The following UPK1A variants were observed in gnomAD, a reference collection of about 807,000 sequenced individuals.
UPK1A encodes uroplakin-1a.
In UPK1A, 31 loss-of-function variants were observed where a neutral mutation model predicts 32.3. That is an observed-to-expected ratio of 0.96 (90% CI 0.72 to 1.30). UPK1A has a LOEUF of 1.30. Among genes scored for constraint, UPK1A ranks in the 50% most tolerant of loss-of-function variants. UPK1A has a pLI of 0.00. For synonymous variants in UPK1A, 135 were observed against 137.1 expected, an observed-to-expected ratio of 0.98 and a Z score of 0.11; for missense variants, 340 against 357.4, an observed-to-expected ratio of 0.95 and a Z score of 0.39.
intron 3 of UPK1A, 150 bp downstream of exon 3, chr19:35,668,804 A>G (rs1419400071): frequency 1.1e-6 from 1 of 882,844 alleles, no homozygotes; most frequent in East Asian, 2.7e-5. Context: ...CAGTCTTCCC[A>G]CAGCCCAATA....
intron 5 of UPK1A, among the ~76,000 whole-genome samples, chr19:35,675,021 A>G (rs1968159728): frequency 1.3e-5 from 2 of 150,586 alleles, no homozygotes; most frequent in Non-Finnish European, 3.0e-5. Flanking sequence ...CAGCCTGGAC[A>G]ACAGAGGGAG....
chr19:35,675,132 G>T (rs910586026), intron 5 of UPK1A, among the ~76,000 whole-genome samples: 2 of 151,750 alleles, frequency 1.3e-5, no homozygotes, highest in Non-Finnish European at 1.5e-5. Context: ...GCCAGGATTT[G>T]AACCCATGTT....
chr19:35,674,550 T>C (rs1172773276), intron 5 of UPK1A, among the ~76,000 whole-genome samples: 1 of 151,992 alleles, frequency 6.6e-6, no homozygotes, highest in Admixed American at 6.6e-5. Context: ...CAAAGCACTT[T>C]TAAAGCTTTT....
rs373683502 is a variant in UPK1A, at chr19:35,676,171, T to TTTTC, written c.648+176_648+179dup. On this transcript the variant is annotated intron_variant, in intron 6 of 7. Coordinates refer to ENST00000617999, the Ensembl canonical transcript of UPK1A. Reference sequence around the variant, plus strand: ...CCCCTCTCTGATTTTCTTGTTTTCTTTTTCTTTCTTTCTTTCTTTCTTTCT... The same window carrying TTTTC: ...CCCCTCTCTGATTTTCTTGTTTTCTTTTTCTTTCTTTCTTTCTTTCTTTCTTTCT... 7,622 of 882,052 alleles carry TTTTC rather than the reference T, an allele frequency of 8.6e-3. 174 individuals carry two copies. In the East Asian group the frequency reaches 0.099, roughly 11 times the overall value. The allele number at this position is 882,052 out of a possible 1,614,324, so 54.6% of individuals were successfully genotyped here.
rs890217656 is a variant in UPK1A, at chr19:35,666,728, C to T, written c.-4-81C>T. 21 of 1,437,166 alleles carry T rather than the reference C, an allele frequency of 1.5e-5. No homozygotes were observed. In the Admixed American group the frequency reaches 1.6e-4, roughly 11 times the overall value. The allele number at this position is 1,437,166 out of a possible 1,614,324, so 89.0% of individuals were successfully genotyped here. A position where few individuals can be genotyped will look rare whatever the true frequency, so the allele number is the denominator to read the frequency against. ...CCCGCAGAGAGCTGGAGCAACCCCT[C>T]GAAGCCAGGGTGTGGCTCAGAGATG... is the stretch of plus-strand genomic sequence containing the variant. On this transcript the variant is annotated intron_variant, in intron 1 of 7. Coordinates refer to ENST00000617999, the Ensembl canonical transcript of UPK1A.
intron 6 of UPK1A, among the ~76,000 whole-genome samples, chr19:35,677,220 C>G (rs552991244): frequency 3.7e-4 from 55 of 146,906 alleles, no homozygotes; most frequent in African/African-American, 1.4e-3. Flanking sequence ...TTAAAAAAGG[C>G]AAGAGACTTT....
intron 5 of UPK1A, among the ~76,000 whole-genome samples, chr19:35,674,968 G>C (rs1169878855): frequency 2.0e-5 from 3 of 151,518 alleles, no homozygotes; most frequent in Non-Finnish European, 4.4e-5. Context: ...CTTGAACCCA[G>C]GAGGGGGAGG....
intron 3 of UPK1A, among the ~76,000 whole-genome samples, chr19:35,671,624 AT>A (rs553879859): frequency 3.1e-4 from 44 of 141,074 alleles, no homozygotes; most frequent in Non-Finnish European, 3.3e-4. Context: ...CGCCTGGTTA[AT>A]TTTTTTTTTT....
At chr19:35,676,187 CTTTCTTTCTT>C in intron 6 of UPK1A, 168 bp downstream of exon 6, 26 of 849,106 alleles carry the variant, frequency 3.1e-5, no homozygotes, top group South Asian at 5.2e-5. Context: ...TTCTTTCTTT[CTTTCTTTCTT>C]TTTTTTTTTT....
At chr19:35,674,516 C>T (rs561466004) in intron 5 of UPK1A, among the ~76,000 whole-genome samples, 37 of 152,162 alleles carry the variant, frequency 2.4e-4, no homozygotes, top group Admixed American at 6.5e-4. Context: ...GGATTACAGG[C>T]TTGAGCCACC....
rs187217680 is a variant in UPK1A, at chr19:35,668,622, G to A, written c.253G>A (p.Ala85Thr). 1.2e-3 allele frequency: 1,874 copies of A among 1,613,548 alleles called. 21 individuals carry two copies. The East Asian group carries it at 0.018, about 15-fold the overall frequency. The change falls in exon 3 of 8, where the codon GCA becomes ACA. Residue 85 changes from alanine (A) to threonine (T), a missense_variant. Transcript: ENST00000617999. ...GGTAGCCAGTTTTGGTGTGGGTGCCGCACTCTGCCGCCGCCGGTCCATGGT... is the reference window on the plus strand; with the variant it reads ...GGTAGCCAGTTTTGGTGTGGGTGCCACACTCTGCCGCCGCCGGTCCATGGT...
exon 6 of UPK1A, chr19:35,675,887 G>A (rs200321267): frequency 4.4e-5 from 71 of 1,613,860 alleles, no homozygotes; most frequent in Non-Finnish European, 5.2e-5. Flanking sequence ...TGAACTTCAC[G>A]TCAGCCTTCC....
At chr19:35,669,590 G>C (rs1182115107) in intron 3 of UPK1A, among the ~76,000 whole-genome samples, 1 of 151,718 alleles carries the variant, frequency 6.6e-6, no homozygotes, top group African/African-American at 2.4e-5. Context: ...AGAATCACTA[G>C]AACCCGGGAG....
At position 35,672,160 on chromosome 19, in the gene UPK1A, G is replaced by T. The variant is rs1368641761; in HGVS notation, c.286-1072G>T. On this transcript the variant is annotated intron_variant, in intron 3 of 7. Coordinates refer to ENST00000617999, the Ensembl canonical transcript of UPK1A. ...AGCTTTTTTTTTTCTCCTGCCCTCT[G>T]TGCCGTTGGCACAACCCACCAAATT... Among the ~76,000 whole-genome samples the T allele has an allele frequency of 5.3e-5, 8 of 152,074 alleles. No homozygotes were observed. In the East Asian group the frequency reaches 1.2e-3, roughly 22 times the overall value.
chr19:35,667,203 A>G (rs1968012181), intron 2 of UPK1A, among the ~76,000 whole-genome samples: 1 of 152,236 alleles, frequency 6.6e-6, no homozygotes, highest in Non-Finnish European at 1.5e-5. Context: ...GGCTATCACC[A>G]TCAGCATCAC....
chr19:35,674,878 CA>C (rs939351000), intron 5 of UPK1A, among the ~76,000 whole-genome samples: 7 of 151,768 alleles, frequency 4.6e-5, no homozygotes, highest in Non-Finnish European at 1.0e-4. Context: ...CCTGTCTCTA[CA>C]AAAAATACAA....
rs768871477 is a variant in UPK1A at position 35,673,561 on chromosome 19, C to A, written c.468+16C>A. ...CATGATTGAGGTGGGCGGGGTGGAC[C>A]GGGTGCTGGGAGGGCCCTGGGCTCC... On this transcript the variant is annotated intron_variant, in intron 5 of 7. Coordinates refer to ENST00000617999, the Ensembl canonical transcript of UPK1A. 12 of 1,610,978 alleles carry A rather than the reference C, an allele frequency of 7.4e-6. No individual in the cohort carries two copies. The Admixed American group carries it at 1.2e-4, about 16-fold the overall frequency.
intron 3 of UPK1A, among the ~76,000 whole-genome samples, chr19:35,670,241 G>A (rs1434713987): frequency 6.6e-6 from 1 of 152,134 alleles, no homozygotes; most frequent in African/African-American, 2.4e-5. Context: ...GGGGTGAGAG[G>A]ACATGAGGCA....
intron 3 of UPK1A, among the ~76,000 whole-genome samples, chr19:35,672,192 A>T (rs1450908166): frequency 1.3e-5 from 2 of 152,192 alleles, no homozygotes; most frequent in East Asian, 1.9e-4. Context: ...AATTCAATCA[A>T]GTTCTTCTAT....
Sources: gnomAD v4.1 joint callset for allele counts (sites outside exome capture counted in the v4.1 genomes callset) on GRCh38, gnomAD v4.1.1 for gene constraint, MANE v1.5 for transcripts, NCBI Gene and HGNC (gene_info 2026-07-23, HGNC 2026-07-21) for gene names.